BRINP3: variants seen among roughly 807,000 people sequenced by gnomAD.
BRINP3 encodes BMP/retinoic acid inducible neural specific 3.
In BRINP3, 19 loss-of-function variants were observed where a neutral mutation model predicts 71.0. The ratio of observed to expected loss-of-function variants is 0.27; its 90% CI spans 0.19 to 0.39. The LOEUF is 0.39. Among genes scored for constraint, BRINP3 ranks in the 10% least tolerant of loss-of-function variants. BRINP3 has a pLI of 1.00. For missense variants in BRINP3, 959 were observed against 940.8 expected (o/e 1.02, Z -0.25); for synonymous variants, 380 against 337.7 (o/e 1.13, Z -1.37).
intron 3 of BRINP3, among the ~76,000 whole-genome samples, chr1:190,280,309 C>T (rs781532591): frequency 6.6e-5 from 10 of 151,742 alleles, no homozygotes; most frequent in Non-Finnish European, 1.5e-4. Flanking sequence ...AGCTAGCATT[C>T]ACAGATCATT....
chr1:190,197,620 G>T (rs1326111938), intron 6 of BRINP3, among the ~76,000 whole-genome samples: 2 of 152,296 alleles, frequency 1.3e-5, no homozygotes, highest in South Asian at 2.1e-4. Flanking sequence ...GCTCCAAAAT[G>T]ATCTCTTTTG....
intron 2 of BRINP3, among the ~76,000 whole-genome samples, chr1:190,345,375 A>G (rs1464037854): frequency 6.6e-6 from 1 of 151,790 alleles, no homozygotes; most frequent in Non-Finnish European, 1.5e-5. Context: ...AATCGAAATA[A>G]AACCAAGACC....
intron 6 of BRINP3, among the ~76,000 whole-genome samples, chr1:190,166,098 A>G (rs1461135269): frequency 1.3e-5 from 2 of 152,200 alleles, no homozygotes; most frequent in Admixed American, 6.5e-5. Flanking sequence ...CCACACATCA[A>G]TGTAAGTCTA....
intron 4 of BRINP3, among the ~76,000 whole-genome samples, chr1:190,262,923 A>T (rs1661316670): frequency 6.6e-6 from 1 of 151,988 alleles, no homozygotes; most frequent in South Asian, 2.1e-4. Context: ...ATATATATAT[A>T]TTTCTTTTTT....
chr1:190,323,612 A>T (rs1452443063), intron 2 of BRINP3, among the ~76,000 whole-genome samples: 1 of 151,454 alleles, frequency 6.6e-6, no homozygotes, highest in African/African-American at 2.4e-5. Context: ...AAAAAAAAAT[A>T]AGAATTTTTT....
chr1:190,160,904 A>T lies in BRINP3; in HGVS notation c.962-14T>A, dbSNP rs776501266. On this transcript the variant is annotated splice_polypyrimidine_tract_variant and intron_variant, in intron 6 of 7. Transcript: ENST00000367462. ...ACTTGAATTCATCTGAAAAATGTCA[A>T]AATTCAACACTTTAATTATGAAACA... is the stretch of plus-strand genomic sequence containing the variant. 6.5e-6 allele frequency: 10 copies of T among 1,546,904 alleles called. No individual in the cohort carries two copies. The highest frequency in any genetic ancestry group is 8.0e-6 in the Non-Finnish European group (9 of 1,131,388).
At chr1:190,175,681 T>A (rs552137573) in intron 6 of BRINP3, among the ~76,000 whole-genome samples, 5 of 152,314 alleles carry the variant, frequency 3.3e-5, no homozygotes, top group Non-Finnish European at 7.4e-5. Flanking sequence ...ATATAGGTTT[T>A]ACTCCTTATA....
chr1:190,108,341 T>C (rs1372475073), intron 7 of BRINP3, among the ~76,000 whole-genome samples: 2 of 150,332 alleles, frequency 1.3e-5, no homozygotes, highest in Non-Finnish European at 3.0e-5. Context: ...AAGCAAATCG[T>C]GTGTGTGTGT....
chr1:190,157,775 A>C (rs572627306), intron 7 of BRINP3, among the ~76,000 whole-genome samples: 2 of 152,096 alleles, frequency 1.3e-5, no homozygotes, highest in Non-Finnish European at 1.5e-5. Flanking sequence ...TGAGATGCAT[A>C]AAATAATGAT....
At chr1:190,224,294 A>G (rs1657138773) in intron 6 of BRINP3, among the ~76,000 whole-genome samples, 1 of 151,984 alleles carries the variant, frequency 6.6e-6, no homozygotes, top group African/African-American at 2.4e-5. Flanking sequence ...AAGCAGACAC[A>G]TAGACCAATG....
chr1:190,097,721 G>A lies in BRINP3; in HGVS notation c.*297C>T, dbSNP rs1029952566. The A allele has an allele frequency of 3.8e-6, 1 of 264,236 alleles. No homozygotes were observed. The highest frequency in any genetic ancestry group is 7.2e-6 in the Non-Finnish European group (1 of 138,682). 16.4% of individuals were successfully genotyped at this position (264,236 alleles called of 1,614,324 possible). A position where few individuals can be genotyped will look rare whatever the true frequency, so the allele number is the denominator to read the frequency against. ...GTATCTTTTTATGTTCCCTCTAGAG[G>A]ATGTAATGCACAAAAGCATTGCCAC... On this transcript the variant is annotated 3_prime_UTR_variant, in exon 8 of 8. Coordinates refer to ENST00000367462, the MANE Select transcript of BRINP3 (RefSeq NM_199051.3).
At chr1:190,216,575 A>T (rs556158272) in intron 6 of BRINP3, among the ~76,000 whole-genome samples, 38 of 151,988 alleles carry the variant, frequency 2.5e-4, no homozygotes, top group African/African-American at 9.1e-4. Context: ...TGCAGGCTGT[A>T]ACAGGTGGGT....
At chr1:190,283,416 T>C (rs1663187915) in intron 2 of BRINP3, among the ~76,000 whole-genome samples, 1 of 151,818 alleles carries the variant, frequency 6.6e-6, no homozygotes, top group South Asian at 2.1e-4. Flanking sequence ...TCTACATAAT[T>C]TGCTATATTG....
intron 2 of BRINP3, among the ~76,000 whole-genome samples, chr1:190,390,390 C>T (rs574373059): frequency 6.6e-6 from 1 of 151,786 alleles, no homozygotes; most frequent in East Asian, 1.9e-4. Context: ...GGTGTGAATG[C>T]TTAGATAGAA....
chr1:190,238,818 G>A (rs1284204842), intron 4 of BRINP3, among the ~76,000 whole-genome samples: 2 of 152,144 alleles, frequency 1.3e-5, no homozygotes, highest in Non-Finnish European at 2.9e-5. Flanking sequence ...CACTTGCAAT[G>A]AGGTTGGTAT....
chr1:190,426,634 T>A (rs1673725134), intron 2 of BRINP3, among the ~76,000 whole-genome samples: 1 of 151,844 alleles, frequency 6.6e-6, no homozygotes, highest in African/African-American at 2.4e-5. Flanking sequence ...ACAAAACAAA[T>A]TTGGTTGTCT....
chr1:190,251,002 A>C (rs1352756652), intron 4 of BRINP3, among the ~76,000 whole-genome samples: 1 of 151,910 alleles, frequency 6.6e-6, no homozygotes, highest in Admixed American at 6.6e-5. Context: ...GGATCTCTTG[A>C]GGCCAGGAGT....
At chr1:190,154,739 T>C (rs1401342046) in intron 7 of BRINP3, among the ~76,000 whole-genome samples, 3 of 152,308 alleles carry the variant, frequency 2.0e-5, no homozygotes, top group East Asian at 3.9e-4. Context: ...AAAGGACTTA[T>C]GCTGCAGATA....
intron 2 of BRINP3, among the ~76,000 whole-genome samples, chr1:190,358,135 G>T (rs1003005922): frequency 2.0e-4 from 30 of 152,120 alleles, no homozygotes; most frequent in Non-Finnish European, 7.3e-5. Flanking sequence ...AAAAGCAATG[G>T]CAACAAAAGA....
Sources: allele counts gnomAD v4.1 joint callset (sites outside exome capture counted in the v4.1 genomes callset), GRCh38; gene constraint gnomAD v4.1.1; transcripts MANE v1.5; gene names NCBI Gene and HGNC (gene_info 2026-07-23, HGNC 2026-07-21).